Variants in TANC2 observed in about 807,000 individuals in gnomAD.
The protein encoded by TANC2 is tetratricopeptide repeat, ankyrin repeat and coiled-coil containing 2, also known as protein TANC2.
Under a neutral mutation model 210.5 loss-of-function variants are expected in TANC2, and 26 were observed. That is an observed-to-expected ratio of 0.12 (90% CI 0.09 to 0.17). The LOEUF is 0.17. TANC2 is among the 10% of genes least tolerant of loss of function. The probability of loss-of-function intolerance (pLI) is 1.00; values close to 1 mark genes in which losing one functional copy is unlikely to be tolerated. For synonymous variants in TANC2, 931 were observed against 967.1 expected (o/e 0.96, Z 0.69); for missense variants, 2,129 against 2,608.9 (o/e 0.82, Z 4.01).
At chr17:63,345,328 A>T (rs2146829570) in intron 12 of TANC2, among the ~76,000 whole-genome samples, 1 of 152,330 alleles carries the variant, frequency 6.6e-6, no homozygotes, top group Non-Finnish European at 1.5e-5. Flanking sequence ...TATAGATTAA[A>T]CATAATCCTG....
intron 15 of TANC2, among the ~76,000 whole-genome samples, chr17:63,384,122 T>C (rs527790552): frequency 3.3e-5 from 5 of 151,990 alleles, no homozygotes; most frequent in African/African-American, 1.2e-4. Context: ...CCGGCTGGAG[T>C]ATAGTGGCAC....
At chr17:63,267,833 A>T (rs755523835) in exon 9 of TANC2, 1 of 1,613,030 alleles carries the variant, frequency 6.2e-7, no homozygotes, top group Non-Finnish European at 8.5e-7. Flanking sequence ...GAATGCCAAG[A>T]CAGAGCATGG....
At chr17:63,117,272 C>A (rs1019698860) in intron 4 of TANC2, 1 of 152,138 alleles carries the variant, frequency 6.6e-6, no homozygotes, top group Non-Finnish European at 1.5e-5. Context: ...ACCAGTTCTT[C>A]CAGTAATTTG....
intron 1 of TANC2, among the ~76,000 whole-genome samples, chr17:62,999,296 A>G (rs570287255): frequency 6.6e-6 from 1 of 152,210 alleles, no homozygotes; most frequent in East Asian, 1.9e-4. Context: ...AGGCCTCCCC[A>G]GAAGCAGGTG....
intron 13 of TANC2, among the ~76,000 whole-genome samples, chr17:63,353,522 CAG>C (rs572128935): frequency 1.7e-4 from 26 of 151,996 alleles, no homozygotes; most frequent in South Asian, 1.7e-3. Flanking sequence ...AGATGGGACT[CAG>C]GGGAGATGAC....
chr17:63,346,716 T>C (rs796068983), intron 12 of TANC2, among the ~76,000 whole-genome samples: 120 of 152,326 alleles, frequency 7.9e-4, no homozygotes, highest in African/African-American at 2.7e-3. Context: ...TCAGTTTCTT[T>C]TTTTTGAGAC....
chr17:63,227,267 G>A (rs1433830743), intron 7 of TANC2, among the ~76,000 whole-genome samples: 1 of 152,070 alleles, frequency 6.6e-6, no homozygotes, highest in Non-Finnish European at 1.5e-5. Flanking sequence ...AGTGTCTGTT[G>A]TTTCTTGACT....
At chr17:63,183,948 C>T (rs372128899) in intron 5 of TANC2, among the ~76,000 whole-genome samples, 4 of 151,336 alleles carry the variant, frequency 2.6e-5, no homozygotes, top group Non-Finnish European at 4.4e-5. Flanking sequence ...ACCCGGGAGG[C>T]GGAGCCTGCA....
chr17:63,333,543 G>A (rs1307415025), intron 11 of TANC2, among the ~76,000 whole-genome samples: 4 of 152,172 alleles, frequency 2.6e-5, no homozygotes, highest in Admixed American at 2.0e-4. Flanking sequence ...TCTGTACTTG[G>A]TAAAGATGCT....
chr17:63,168,969 T>G (rs1172418992), intron 5 of TANC2, among the ~76,000 whole-genome samples: 1 of 152,234 alleles, frequency 6.6e-6, no homozygotes, highest in South Asian at 2.1e-4. Flanking sequence ...TCAGCTATTA[T>G]GATTTAGCTA....
chr17:63,055,985 AAAAAAATATATATATAT>A (rs1375709766), intron 2 of TANC2, among the ~76,000 whole-genome samples: 12 of 16,822 alleles, frequency 7.1e-4, no homozygotes, highest in Admixed American at 2.0e-3. Context: ...AAAAAAAAAA[AAAAAAATATATATATAT>A]ATATATATAT....
chr17:63,421,046 G>A lies in TANC2; in HGVS notation c.5316G>A (p.Gln1772=). The change falls in exon 28 of 28, where the codon CAG becomes CAA. Residue 1772 remains glutamine, a synonymous_variant. Coordinates refer to ENST00000689528, the Ensembl canonical transcript of TANC2. The surrounding 1 kb of genome is among the most constrained non-coding windows in gnomAD (Gnocchi z 6.9). ...GCCTGAGTGCAGGCGCCATCTGTCA[G>A]CATGGAGGATTGACCAAAGAGGATC... is the stretch of plus-strand genomic sequence containing the variant. 3.1e-6 allele frequency: 5 copies of A among 1,614,018 alleles called. No individual in the cohort carries two copies. The highest frequency in any genetic ancestry group is 3.4e-6 in the Non-Finnish European group (4 of 1,179,882).
chr17:63,121,305 A>G (rs2038466150), intron 4 of TANC2, among the ~76,000 whole-genome samples: 1 of 152,170 alleles, frequency 6.6e-6, no homozygotes, highest in Non-Finnish European at 1.5e-5. Context: ...TTTCTCTTCT[A>G]TAAGATGAAT....
At chr17:63,063,531 C>CGTGTGTGT (rs59132639) in intron 2 of TANC2, among the ~76,000 whole-genome samples, 31 of 108,220 alleles carry the variant, frequency 2.9e-4, no homozygotes, top group East Asian at 9.0e-4. Context: ...GGGACAAAGA[C>CGTGTGTGT]GTGTGTGTGT....
chr17:63,264,122 T>C (rs974628980), intron 8 of TANC2, among the ~76,000 whole-genome samples: 6 of 152,240 alleles, frequency 3.9e-5, no homozygotes, highest in African/African-American at 1.4e-4. Flanking sequence ...ACATATTCTT[T>C]CATAATGTTG....
At chr17:63,372,913 T>TG (rs397782218) in intron 14 of TANC2, among the ~76,000 whole-genome samples, 57 of 150,034 alleles carry the variant, frequency 3.8e-4, no homozygotes, top group Non-Finnish European at 7.6e-4. Flanking sequence ...TTTTTTTTTT[T>TG]GAGATAGGGT....
chr17:63,331,529 C>G (rs1425501165), intron 11 of TANC2, among the ~76,000 whole-genome samples: 1 of 152,158 alleles, frequency 6.6e-6, no homozygotes, highest in Non-Finnish European at 1.5e-5. Context: ...GTCAAAGAAG[C>G]AAGGTATTCT....
At chr17:63,344,430 A>G (rs891433457) in intron 12 of TANC2, among the ~76,000 whole-genome samples, 2 of 152,252 alleles carry the variant, frequency 1.3e-5, no homozygotes, top group Admixed American at 6.5e-5. Flanking sequence ...GGTCAAGAGC[A>G]AGACAAGAGT....
intron 5 of TANC2, among the ~76,000 whole-genome samples, chr17:63,174,501 C>T (rs1409672404): frequency 1.3e-5 from 2 of 152,174 alleles, no homozygotes; most frequent in South Asian, 2.1e-4. Context: ...TGTCCATCTC[C>T]GTTTCTGGTT....
Sources: allele counts gnomAD v4.1 joint callset (sites outside exome capture counted in the v4.1 genomes callset), GRCh38; gene constraint gnomAD v4.1.1; non-coding constraint Gnocchi (gnomAD v3.1); transcripts MANE v1.5; gene names NCBI Gene and HGNC (gene_info 2026-07-23, HGNC 2026-07-21).